SYT16: variants seen among roughly 807,000 people sequenced by gnomAD.
SYT16 encodes synaptotagmin-16.
Under a neutral mutation model 61.4 loss-of-function variants are expected in SYT16, and 42 were observed. That is an observed-to-expected ratio of 0.68 (90% confidence interval 0.53 to 0.89). The LOEUF is 0.89. SYT16 is among the 40% of genes least tolerant of loss of function. SYT16 has a pLI of 0.00. For synonymous variants in SYT16, 314 were observed against 302.3 expected, an observed-to-expected ratio of 1.04 and a Z score of -0.40; for missense variants, 804 against 807.3, an observed-to-expected ratio of 1.00 and a Z score of 0.05.
chr14:62,026,477 G>A lies in SYT16; in HGVS notation c.523+29935G>A, dbSNP rs562968058. On this transcript the variant is annotated intron_variant, in intron 3 of 7. Transcript: ENST00000683842. Reference sequence around the variant, plus strand: ...GCAAGAGAGCAAATTCACTGAGTGAGCTCACTATGTGAAGCCTCTTTTGTA... The same window carrying A: ...GCAAGAGAGCAAATTCACTGAGTGAACTCACTATGTGAAGCCTCTTTTGTA... 1.6e-4 allele frequency among the ~76,000 whole-genome samples: 25 copies of A among 152,288 alleles called. No homozygotes were observed. In the East Asian group the frequency reaches 4.4e-3, roughly 27 times the overall value.
intron 3 of SYT16, among the ~76,000 whole-genome samples, chr14:62,045,232 C>T (rs903408963): frequency 1.3e-5 from 2 of 152,184 alleles, no homozygotes; most frequent in African/African-American, 2.4e-5. Flanking sequence ...GATTGATCTA[C>T]TGTATAAATT....
At chr14:61,889,467 A>G (rs2048037145) in intron 1 of SYT16, among the ~76,000 whole-genome samples, 1 of 152,056 alleles carries the variant, frequency 6.6e-6, no homozygotes, top group Non-Finnish European at 1.5e-5. Flanking sequence ...AAGGGAATGG[A>G]TCCCTCATGA....
intron 1 of SYT16, among the ~76,000 whole-genome samples, chr14:61,884,915 AC>A (rs1250116809): frequency 6.6e-6 from 1 of 152,054 alleles, no homozygotes; most frequent in East Asian, 1.9e-4. Flanking sequence ...CTCTTTTGGG[AC>A]CCACTAAAAA....
intron 1 of SYT16, among the ~76,000 whole-genome samples, chr14:61,867,472 C>T (rs142930879): frequency 2.0e-5 from 3 of 152,074 alleles, no homozygotes; most frequent in South Asian, 2.1e-4. Flanking sequence ...CTGTAGCCAA[C>T]GTCTAGAAGA....
rs1201574557 is a variant in SYT16, at chr14:61,996,033, T to C, written c.14T>C (p.Met5Thr). Reference sequence around the variant, plus strand: ...AGATAGCTGGCCATGGTGTTGGCCATGGCGTCTCAGGATGTTCAGAACTTC... The same window carrying C: ...AGATAGCTGGCCATGGTGTTGGCCACGGCGTCTCAGGATGTTCAGAACTTC... MVLA[M>T]ASQDVQNFFQ... The change falls in exon 3 of 8, where the codon ATG becomes ACG. Residue 5 changes from methionine to threonine, a missense_variant. Met to Thr is a moderately conservative substitution (Grantham distance 81). Coordinates refer to ENST00000683842, the MANE Select transcript of SYT16 (RefSeq NM_001367656.1). 3 of 1,594,558 alleles carry C rather than the reference T, an allele frequency of 1.9e-6. 1 individual carries two copies. The South Asian group carries it at 3.4e-5, about 18-fold the overall frequency.
Position 62,084,382 on chromosome 14 carries a change from C to A in SYT16, c.1621C>A (p.Pro541Thr). ...HFRNLAVNRA[P>T]DTYGKLFLLN... ...CCGAAACCTCGCTGTTAACCGAGCACCTGGTAAGTGTGAGTCTGTTCTCCC... is the reference window on the plus strand; with the variant it reads ...CCGAAACCTCGCTGTTAACCGAGCAACTGGTAAGTGTGAGTCTGTTCTCCC... Residue 541 changes from proline to threonine, a missense_variant, in exon 7 of 8, where the codon CCT (proline) becomes ACT (threonine). Coordinates refer to ENST00000683842, the MANE Select transcript of SYT16 (RefSeq NM_001367656.1). 1 of 1,611,538 alleles carries A rather than the reference C, an allele frequency of 6.2e-7. No individual in the cohort carries two copies. The highest frequency in any genetic ancestry group is 1.3e-5 in the African/African-American group (1 of 74,942).
chr14:61,844,370 C>T (rs1454196334), intron 1 of SYT16, among the ~76,000 whole-genome samples: 1 of 151,956 alleles, frequency 6.6e-6, no homozygotes, highest in East Asian at 1.9e-4. Flanking sequence ...TTTGGATGCC[C>T]TTTATTTCTT....
intron 1 of SYT16, among the ~76,000 whole-genome samples, chr14:61,968,948 T>TATTTG (rs987890268): frequency 1.3e-5 from 2 of 152,200 alleles, no homozygotes; most frequent in Non-Finnish European, 2.9e-5. Context: ...TTGCCTGCTA[T>TATTTG]TTTTGTTTTG....
intron 3 of SYT16, among the ~76,000 whole-genome samples, chr14:62,059,371 G>A (rs2055713542): frequency 6.6e-6 from 1 of 151,976 alleles, no homozygotes; most frequent in African/African-American, 2.4e-5. Context: ...TGAAGTGTCT[G>A]GATTTTTAAA....
At chr14:62,095,568 T>C (rs1239915158) in intron 7 of SYT16, among the ~76,000 whole-genome samples, 1 of 151,644 alleles carries the variant, frequency 6.6e-6, no homozygotes, top group East Asian at 1.9e-4. Flanking sequence ...ACAACAGAAC[T>C]TTATGAAAGA....
intron 1 of SYT16, among the ~76,000 whole-genome samples, chr14:61,871,509 G>A (rs77345431): frequency 0.012 from 1,800 of 152,226 alleles, 26 homozygotes; most frequent in Non-Finnish European, 0.015. Flanking sequence ...TCCCTGTCCC[G>A]TGACCTGCTC....
In SYT16 at chr14:61,844,171, C is replaced by T. The variant is rs2046375504; in HGVS notation, c.-325+31361C>T. Among the ~76,000 whole-genome samples the T allele has an allele frequency of 2.0e-5, 3 of 151,838 alleles. No individual in the cohort carries two copies. In the South Asian group the frequency reaches 6.2e-4, roughly 32 times the overall value. ...TGTGTGGCTATTATAAATGGTATTA[C>T]TTTTTTGATTTTTCAGATTGTTTAC... On this transcript the variant is annotated intron_variant, in intron 1 of 7. Coordinates refer to ENST00000683842, the MANE Select transcript of SYT16 (RefSeq NM_001367656.1).
At chr14:61,941,738 A>G (rs1010580600) in intron 1 of SYT16, among the ~76,000 whole-genome samples, 2 of 152,188 alleles carry the variant, frequency 1.3e-5, no homozygotes, top group Non-Finnish European at 2.9e-5. Flanking sequence ...CAAATGGACA[A>G]ACCCCATCGC....
At chr14:62,053,443 T>C (rs2055400308) in intron 3 of SYT16, among the ~76,000 whole-genome samples, 1 of 152,196 alleles carries the variant, frequency 6.6e-6, no homozygotes, top group Non-Finnish European at 1.5e-5. Context: ...TTCTTGGGTT[T>C]CCAGCATGCT....
At chr14:62,005,093 G>A (rs1382962347) in intron 3 of SYT16, among the ~76,000 whole-genome samples, 1 of 152,172 alleles carries the variant, frequency 6.6e-6, no homozygotes, top group Non-Finnish European at 1.5e-5. Context: ...CATGCCTTGT[G>A]AGAGTATTGG....
chr14:62,059,809 G>T (rs1013026540), intron 3 of SYT16, among the ~76,000 whole-genome samples: 12 of 138,862 alleles, frequency 8.6e-5, no homozygotes, highest in African/African-American at 3.1e-4. Context: ...CACTCAATGT[G>T]AGATAGAAGG....
intron 1 of SYT16, among the ~76,000 whole-genome samples, chr14:61,858,120 C>CAAAAAAAAAAAAAA (rs34781118): frequency 4.6e-5 from 2 of 43,220 alleles, no homozygotes; most frequent in Non-Finnish European, 5.5e-5. Flanking sequence ...CACAGCTTGG[C>CAAAAAAAAAAAAAA]AAAAAAAAAA....
At chr14:62,088,084 G>T (rs1388584225) in intron 7 of SYT16, among the ~76,000 whole-genome samples, 1 of 152,100 alleles carries the variant, frequency 6.6e-6, no homozygotes. Context: ...AACTAAACAT[G>T]CACTGAGAAT....
chr14:61,933,262 C>T (rs145728218), intron 1 of SYT16, among the ~76,000 whole-genome samples: 1 of 152,292 alleles, frequency 6.6e-6, no homozygotes, highest in East Asian at 1.9e-4. Context: ...CACAAAGCTC[C>T]TTTCCCATTG....
Sources: allele counts gnomAD v4.1 joint callset (sites outside exome capture counted in the v4.1 genomes callset), GRCh38; gene constraint gnomAD v4.1.1; transcripts MANE v1.5; gene names NCBI Gene and HGNC (gene_info 2026-07-23, HGNC 2026-07-21).